The following PRKG1 variants were observed in gnomAD, a reference collection of about 807,000 sequenced individuals.
PRKG1 encodes the protein cGMP-dependent protein kinase 1.
Under a neutral mutation model 88.1 loss-of-function variants are expected in PRKG1, and 35 were observed. That is an observed-to-expected ratio of 0.40 (90% CI 0.30 to 0.53). PRKG1 has a LOEUF of 0.53. PRKG1 is among the 20% of genes least tolerant of loss of function. PRKG1 has a pLI of 0.59. For synonymous variants in PRKG1, 303 were observed against 292.5 expected, an observed-to-expected ratio of 1.04 and a Z score of -0.37; for missense variants, 540 against 839.8, an observed-to-expected ratio of 0.64 and a Z score of 4.41.
intron 9 of PRKG1, among the ~76,000 whole-genome samples, chr10:52,222,969 G>T (rs775410831): frequency 6.6e-6 from 1 of 151,826 alleles, no homozygotes; most frequent in African/African-American, 2.4e-5. Flanking sequence ...AGCCATATTG[G>T]CTTATCACTG....
At chr10:51,056,509 C>T (rs1843627830) in intron 1 of PRKG1, among the ~76,000 whole-genome samples, 1 of 152,168 alleles carries the variant, frequency 6.6e-6, no homozygotes, top group South Asian at 2.1e-4. Flanking sequence ...CCATATCTTT[C>T]CTTCTATTCC....
intron 5 of PRKG1, among the ~76,000 whole-genome samples, chr10:52,014,000 C>A (rs1229567137): frequency 6.6e-6 from 1 of 151,942 alleles, no homozygotes; most frequent in Non-Finnish European, 1.5e-5. Context: ...CTTAGTTACT[C>A]CCAATTTTCT....
At chr10:51,447,961 A>G (rs959687903) in intron 2 of PRKG1, among the ~76,000 whole-genome samples, 13 of 152,086 alleles carry the variant, frequency 8.5e-5, no homozygotes, top group Admixed American at 6.6e-5. Flanking sequence ...CTCAGTATCT[A>G]ATATTTTTGA....
At chr10:52,125,118 T>A (rs561730468) in intron 7 of PRKG1, among the ~76,000 whole-genome samples, 1 of 152,214 alleles carries the variant, frequency 6.6e-6, no homozygotes, top group Non-Finnish European at 1.5e-5. Flanking sequence ...CACAGTCATT[T>A]ATTATCATTA....
chr10:51,154,417 A>T (rs778033045), intron 2 of PRKG1, among the ~76,000 whole-genome samples: 2 of 151,928 alleles, frequency 1.3e-5, no homozygotes, highest in Non-Finnish European at 2.9e-5. Flanking sequence ...ACAAAGATTT[A>T]TCTGGCCCAA....
chr10:51,862,662 GT>G (rs1186596114), intron 4 of PRKG1, among the ~76,000 whole-genome samples: 1 of 152,214 alleles, frequency 6.6e-6, no homozygotes, highest in African/African-American at 2.4e-5. Context: ...AAGGTCCCTG[GT>G]CATACTCTAC....
Position 51,727,602 on chromosome 10 carries a change from G to A in PRKG1, c.593-76983G>A, listed in dbSNP as rs12246146. On this transcript the variant is annotated intron_variant, in intron 3 of 17. Coordinates refer to ENST00000373980, the MANE Select transcript of PRKG1 (RefSeq NM_006258.4). ...GCACAGAAATTTCTACTATTTAAAT[G>A]AAGCCCTAATATTCCCAGATGAACA... Among the ~76,000 whole-genome samples the A allele has an allele frequency of 8.2e-3, 1,251 of 152,220 alleles. 20 individuals carry two copies. The highest frequency in any genetic ancestry group is 0.028 in the African/African-American group (1,173 of 41,516).
At chr10:51,714,485 G>T (rs1238845080) in intron 3 of PRKG1, among the ~76,000 whole-genome samples, 3 of 152,100 alleles carry the variant, frequency 2.0e-5, no homozygotes. Context: ...AAGATGGGTA[G>T]TTTAAAGGGG....
Position 51,284,865 on chromosome 10 carries a change from CTT to C in PRKG1, c.478+131556_478+131557del, listed in dbSNP as rs5784867. On this transcript the variant is annotated intron_variant, in intron 2 of 17. Coordinates refer to ENST00000373980, the MANE Select transcript of PRKG1 (RefSeq NM_006258.4). ...GGGTGTGGCTCCAGTGTTGTGGGTA[CTT>C]TTTTTTTTTTTTTTTTTTTTAAGCT... 7.2e-3 allele frequency among the ~76,000 whole-genome samples: 374 copies of C among 51,650 alleles called. 1 individual carries two copies. The highest frequency in any genetic ancestry group is 0.023 in the African/African-American group (313 of 13,900). The allele number at this position is 51,650 out of a possible 152,430, so 33.9% of individuals were successfully genotyped here.
At chr10:51,115,797 A>G (rs112240540) in intron 1 of PRKG1, among the ~76,000 whole-genome samples, 6,490 of 149,478 alleles carry the variant, frequency 0.043, 163 homozygotes, top group Middle Eastern at 0.062. Flanking sequence ...GATTGTGCCA[A>G]TGCACTCCAG....
intron 3 of PRKG1, among the ~76,000 whole-genome samples, chr10:51,638,431 A>G (rs1839712663): frequency 6.6e-6 from 1 of 152,198 alleles, no homozygotes; most frequent in Non-Finnish European, 1.5e-5. Context: ...CTAAGCAATC[A>G]CAAGGAAAGA....
intron 2 of PRKG1, among the ~76,000 whole-genome samples, chr10:51,404,291 C>T (rs376126162): frequency 5.9e-5 from 9 of 152,312 alleles, no homozygotes; most frequent in African/African-American, 2.2e-4. Flanking sequence ...AATGCGAATA[C>T]TTTGTGTCAT....
chr10:51,993,747 G>A (rs1010859068), intron 5 of PRKG1, among the ~76,000 whole-genome samples: 8 of 152,226 alleles, frequency 5.3e-5, no homozygotes, highest in Admixed American at 5.2e-4. Flanking sequence ...TCCTCATATT[G>A]CTTCTCAGTG....
At chr10:51,259,579 T>A (rs1435843530) in intron 2 of PRKG1, among the ~76,000 whole-genome samples, 1 of 152,242 alleles carries the variant, frequency 6.6e-6, no homozygotes, top group African/African-American at 2.4e-5. Flanking sequence ...GTTCAAGCAA[T>A]TCTCCTGCTT....
chr10:52,190,446 A>G (rs779053749), intron 9 of PRKG1, among the ~76,000 whole-genome samples: 1 of 152,228 alleles, frequency 6.6e-6, no homozygotes, highest in Non-Finnish European at 1.5e-5. Flanking sequence ...TTTAATAAAT[A>G]TGAATATGGT....
chr10:52,240,578 C>G (rs999032274), intron 9 of PRKG1, among the ~76,000 whole-genome samples: 2 of 152,118 alleles, frequency 1.3e-5, no homozygotes, highest in Admixed American at 6.6e-5. Flanking sequence ...TTTTTGGCAG[C>G]ATCATAGAAC....
chr10:52,282,070 T>C, intron 13 of PRKG1, 83 bp from the exon 14 acceptor site: 1 of 1,269,764 alleles, frequency 7.9e-7, no homozygotes, highest in Non-Finnish European at 1.1e-6. Context: ...ATTATTATCA[T>C]CATCAGTGTG....
intron 2 of PRKG1, among the ~76,000 whole-genome samples, chr10:51,189,481 A>G (rs1007047012): frequency 6.6e-6 from 1 of 151,902 alleles, no homozygotes; most frequent in African/African-American, 2.4e-5. Context: ...GTGGTGGAGA[A>G]TAAAACTAGT....
chr10:51,718,328 G>A (rs752370854), intron 3 of PRKG1, among the ~76,000 whole-genome samples: 3 of 152,194 alleles, frequency 2.0e-5, no homozygotes, highest in Non-Finnish European at 4.4e-5. Flanking sequence ...GGTGGGAACA[G>A]GGGAGCAGTC....
Sources: allele counts gnomAD v4.1 joint callset (sites outside exome capture counted in the v4.1 genomes callset), GRCh38; gene constraint gnomAD v4.1.1; transcripts MANE v1.5; gene names NCBI Gene and HGNC (gene_info 2026-07-23, HGNC 2026-07-21).